Variants in JARID2 observed in about 807,000 individuals in gnomAD.
JARID2 encodes the protein protein Jumonji.
Under a neutral mutation model 125.6 loss-of-function variants are expected in JARID2, and 21 were observed. The ratio of observed to expected loss-of-function variants is 0.17; its 90% confidence interval spans 0.12 to 0.24. The LOEUF (loss-of-function observed/expected upper bound fraction) is 0.24. Ranked by LOEUF, JARID2 falls within the 10% of genes least tolerant of loss-of-function variation. The pLI is 1.00. For synonymous variants in JARID2, 736 were observed against 661.6 expected (o/e 1.11, Z -1.73); for missense variants, 1,303 against 1,639.6 (o/e 0.79, Z 3.55).
At chr6:15,357,001 G>C (rs1763623800) in intron 1 of JARID2, among the ~76,000 whole-genome samples, 1 of 152,172 alleles carries the variant, frequency 6.6e-6, no homozygotes, top group Non-Finnish European at 1.5e-5. Context: ...ACAACAGATT[G>C]AGACTGTCTC....
intron 1 of JARID2, among the ~76,000 whole-genome samples, chr6:15,348,951 G>C (rs1763336832): frequency 6.6e-6 from 1 of 152,296 alleles, no homozygotes; most frequent in African/African-American, 2.4e-5. Context: ...GGAAGTTTAA[G>C]ACTTGTTAAT....
In JARID2 at chr6:15,371,782, C is replaced by T. The variant is rs575505400; in HGVS notation, c.46-2335C>T. On this transcript the variant is annotated intron_variant, in intron 1 of 17. Coordinates refer to ENST00000341776, the MANE Select transcript of JARID2 (RefSeq NM_004973.4). ...TCTTGTTAGGTTGGGGCAAGGTTTGCTGGCTTCTCTTAGCCTTCATGTCCG... is the reference window on the plus strand; with the variant it reads ...TCTTGTTAGGTTGGGGCAAGGTTTGTTGGCTTCTCTTAGCCTTCATGTCCG... 2.4e-4 allele frequency among the ~76,000 whole-genome samples: 36 copies of T among 152,190 alleles called. 1 individual carries two copies. Among genetic ancestry groups the T allele is most frequent in the Non-Finnish European group, 8.8e-5 (6 of 68,020 alleles).
intron 13 of JARID2, among the ~76,000 whole-genome samples, chr6:15,511,737 C>G (rs139688538): frequency 8.8e-4 from 134 of 152,308 alleles, no homozygotes; most frequent in African/African-American, 3.2e-3. Context: ...TTCAGGAAGT[C>G]ATGGGGCTGG....
In JARID2 at chr6:15,512,499, TC is replaced by T. The variant is rs1449173740; in HGVS notation, c.3135+111del. ...GTGTGCGTGTCTATTTGTCAATAGT[TC>T]CTTTTGGAATATGTCTTTGAAATTC... On this transcript the variant is annotated intron_variant, in intron 14 of 17. Transcript: ENST00000341776. The T allele has an allele frequency of 5.3e-5, 54 of 1,018,946 alleles. 2 individuals are homozygous for T. In the East Asian group the frequency reaches 6.9e-4, roughly 13 times the overall value. The allele number at this position is 1,018,946 out of a possible 1,614,324, so 63.1% of individuals were successfully genotyped here.
intron 3 of JARID2, among the ~76,000 whole-genome samples, chr6:15,451,623 A>G (rs1052963875): frequency 3.9e-5 from 6 of 152,208 alleles, no homozygotes; most frequent in Non-Finnish European, 8.8e-5. Context: ...ATACAGCAGG[A>G]TAATGTAGTG....
Position 15,496,551 on chromosome 6 carries a change from G to A in JARID2, c.1326G>A (p.Arg442=), listed in dbSNP as rs1298274787. Residue 442 remains arginine, a synonymous_variant, in exon 7 of 18, where the codon AGG becomes AGA. Transcript: ENST00000341776. The part of the protein sequence containing the change: ...QLREGLRNSK[R]RLEEAHQAEK... ...GGGAGGGGCTGCGGAACTCCAAGAG[G>A]AGACTGGAAGAGGCACACCAGGCGG... is the stretch of plus-strand genomic sequence containing the variant. 6.2e-7 allele frequency: 1 copy of A among 1,607,498 alleles called. No individual in the cohort carries two copies. The highest frequency in any genetic ancestry group is 1.3e-5 in the African/African-American group (1 of 74,538).
intron 12 of JARID2, chr6:15,509,014 G>T: frequency 7.8e-7 from 1 of 1,289,344 alleles, no homozygotes; most frequent in South Asian, 1.2e-5. Context: ...GTGGGGAGTA[G>T]AGTTGACTTG....
intron 3 of JARID2, among the ~76,000 whole-genome samples, chr6:15,447,024 A>C (rs1276240876): frequency 6.6e-6 from 1 of 152,198 alleles, no homozygotes. Context: ...AACATAACAA[A>C]GTGACCAGCC....
intron 1 of JARID2, among the ~76,000 whole-genome samples, chr6:15,302,288 C>A (rs746962074): frequency 1.3e-5 from 2 of 152,046 alleles, no homozygotes; most frequent in Admixed American, 6.5e-5. Context: ...TGGTGGCGTG[C>A]GCCTGTAATC....
intron 3 of JARID2, among the ~76,000 whole-genome samples, chr6:15,415,798 G>A (rs1423992665): frequency 1.4e-5 from 2 of 144,920 alleles, no homozygotes; most frequent in East Asian, 2.1e-4. Flanking sequence ...CCTCCCAGAC[G>A]GGGCGGCTGG....
chr6:15,477,081 C>T (rs921691902), intron 5 of JARID2, among the ~76,000 whole-genome samples: 7 of 152,076 alleles, frequency 4.6e-5, no homozygotes, highest in Admixed American at 4.6e-4. Flanking sequence ...TTGTGCATAT[C>T]GTTTTCTGAA....
rs373800635 is a variant in JARID2 at position 15,511,966 on chromosome 6, G to C, written c.2953-242G>C. 2.0e-5 allele frequency among the ~76,000 whole-genome samples: 3 copies of C among 152,320 alleles called. No individual in the cohort carries two copies. The South Asian group carries it at 6.2e-4, about 32-fold the overall frequency. On this transcript the variant is annotated intron_variant, in intron 13 of 17. Coordinates refer to ENST00000341776, the MANE Select transcript of JARID2 (RefSeq NM_004973.4). ...CTGTTTCCAGCCCTGGCATTGCCAC[G>C]TGGGGACAGAGGGGCCTGTGTGGTC...
chr6:15,324,476 G>A (rs1043578390), intron 1 of JARID2: 1 of 152,028 alleles, frequency 6.6e-6, no homozygotes, highest in Non-Finnish European at 1.5e-5. Context: ...TGAGCACTAT[G>A]ACCCCCCTCC....
At chr6:15,446,750 G>A (rs777757514) in intron 3 of JARID2, among the ~76,000 whole-genome samples, 6 of 152,208 alleles carry the variant, frequency 3.9e-5, no homozygotes, top group Non-Finnish European at 5.9e-5. Context: ...GCTGATTTTG[G>A]TTATGAATGA....
rs70996529 is a variant in JARID2, at chr6:15,264,655, T to TAGAG, written c.45+18083_45+18086dup. Among the ~76,000 whole-genome samples the TAGAG allele has an allele frequency of 2.3e-5, 3 of 129,220 alleles. No homozygotes were observed. In the South Asian group the frequency reaches 7.9e-4, roughly 34 times the overall value. The allele number at this position is 129,220 out of a possible 152,430, so 84.8% of individuals were successfully genotyped here. The stretch of plus-strand genomic sequence containing the variant: ...TGTGTGTGTGTGAGAGAGAGAGAGA[T>TAGAG]AGAGAGAGAGAGAGAATATCTAAGA... On this transcript the variant is annotated intron_variant, in intron 1 of 17. Transcript: ENST00000341776.
chr6:15,324,157 G>T (rs1581413027), intron 1 of JARID2, among the ~76,000 whole-genome samples: 7 of 151,140 alleles, frequency 4.6e-5, no homozygotes, highest in Admixed American at 4.6e-4. Flanking sequence ...CCAGCCTGGG[G>T]GACAGAGCTA....
intron 1 of JARID2, among the ~76,000 whole-genome samples, chr6:15,288,177 A>G (rs904295947): frequency 4.6e-5 from 7 of 151,978 alleles, no homozygotes; most frequent in African/African-American, 1.7e-4. Context: ...AAGAGGTTTA[A>G]TTGGCTCTTA....
At chr6:15,277,601 C>T (rs1760578627) in intron 1 of JARID2, among the ~76,000 whole-genome samples, 1 of 152,130 alleles carries the variant, frequency 6.6e-6, no homozygotes, top group Non-Finnish European at 1.5e-5. Flanking sequence ...GTCCGACAGT[C>T]TTTATTTTGC....
intron 3 of JARID2, among the ~76,000 whole-genome samples, chr6:15,429,964 T>A (rs935280895): frequency 6.6e-6 from 1 of 152,170 alleles, no homozygotes; most frequent in African/African-American, 2.4e-5. Context: ...TCCTCAGACG[T>A]CATTATAATA....
Sources: gnomAD v4.1 joint callset for allele counts (sites outside exome capture counted in the v4.1 genomes callset) on GRCh38, gnomAD v4.1.1 for gene constraint, MANE v1.5 for transcripts, NCBI Gene and HGNC (gene_info 2026-07-23, HGNC 2026-07-21) for gene names.